SHQ1: variants seen among roughly 807,000 people sequenced by gnomAD.
SHQ1 encodes protein SHQ1 homolog.
In SHQ1, 49 loss-of-function variants were observed where a neutral mutation model predicts 53.8. The ratio of observed to expected loss-of-function variants is 0.91; its 90% confidence interval spans 0.72 to 1.16. The LOEUF is 1.16. Ranked by LOEUF, SHQ1 falls within the 50% of genes most tolerant of loss-of-function variation. SHQ1 has a pLI of 0.00. For synonymous variants in SHQ1, 243 were observed against 251.0 expected (o/e 0.97, Z 0.30); for missense variants, 738 against 683.1 (o/e 1.08, Z -0.90).
At chr3:72,824,353 T>C (rs1707579062) in intron 6 of SHQ1, 71 bp downstream of exon 6, 2 of 1,543,866 alleles carry the variant, frequency 1.3e-6, no homozygotes, top group Non-Finnish European at 1.8e-6. Flanking sequence ...CTTAATAATA[T>C]GGAAGGCAGT....
chr3:72,825,323 T>G (rs1707617042), intron 5 of SHQ1, among the ~76,000 whole-genome samples: 1 of 148,814 alleles, frequency 6.7e-6, no homozygotes, highest in African/African-American at 2.5e-5. Flanking sequence ...AGTAGGAAAT[T>G]CAGGATACTG....
chr3:72,841,312 T>G, intron 3 of SHQ1, 113 bp from the exon 4 acceptor site: 1 of 767,720 alleles, frequency 1.3e-6, no homozygotes, highest in South Asian at 2.2e-5. Context: ...ATATACCAAA[T>G]GTACTAAAAG....
chr3:72,801,737 AATAAAT>A (rs1706795782), intron 9 of SHQ1, among the ~76,000 whole-genome samples: 1 of 150,434 alleles, frequency 6.6e-6, no homozygotes, highest in Admixed American at 6.6e-5. Context: ...ATCAATGGAT[AATAAAT>A]ATAATTTAGT....
the SHQ1 span, among the ~76,000 whole-genome samples, chr3:72,738,978 C>T: frequency 1.3e-5 from 2 of 152,224 alleles, no homozygotes; most frequent in African/African-American, 4.8e-5. Context: ...CCGGGGAGAG[C>T]TGGGTGGTTA....
At chr3:72,828,368 G>A (rs1228525168) in intron 5 of SHQ1, among the ~76,000 whole-genome samples, 2 of 152,124 alleles carry the variant, frequency 1.3e-5, no homozygotes, top group African/African-American at 2.4e-5. Flanking sequence ...GAAATAAATG[G>A]CAAAGGGATA....
At chr3:72,727,941 G>C in the SHQ1 span, among the ~76,000 whole-genome samples, 2 of 152,194 alleles carry the variant, frequency 1.3e-5, no homozygotes, top group African/African-American at 4.8e-5. Flanking sequence ...GGCCATGAGA[G>C]TGCACTCAGC....
At chr3:72,755,725 C>G (rs564569459) in intron 10 of SHQ1, among the ~76,000 whole-genome samples, 1 of 152,234 alleles carries the variant, frequency 6.6e-6, no homozygotes, top group South Asian at 2.1e-4. Context: ...TCTGCCACTC[C>G]TTGTCAATTA....
At chr3:72,832,931 G>A (rs559348108) in intron 4 of SHQ1, among the ~76,000 whole-genome samples, 10 of 152,228 alleles carry the variant, frequency 6.6e-5, no homozygotes, top group Middle Eastern at 6.8e-3. Flanking sequence ...AAGCATTACC[G>A]TACAGATTGA....
Position 72,792,952 on chromosome 3 carries a change from T to C in SHQ1, c.1145A>G (p.Tyr382Cys), listed in dbSNP as rs754326459. 7 of 1,611,778 alleles carry C rather than the reference T, an allele frequency of 4.3e-6. No individual in the cohort carries two copies. The highest frequency in any genetic ancestry group is 5.1e-6 in the Non-Finnish European group (6 of 1,179,740). The change falls in exon 10 of 11, where the codon TAC (tyrosine) becomes TGC (cysteine). Residue 382 changes from tyrosine (Y) to cysteine (C), a missense_variant. Transcript: ENST00000325599. ...NDPAYILNDLYISDYCVWIQK... is the reference protein window; with the variant it reads ...NDPAYILNDLCISDYCVWIQK... Reference sequence around the variant, plus strand: ...AATCCACACACAGTAGTCTGAGATGTAGAGATCATTCAGTATGTACGCTGG... The same window carrying C: ...AATCCACACACAGTAGTCTGAGATGCAGAGATCATTCAGTATGTACGCTGG...
chr3:72,835,301 C>T (rs905921701), intron 4 of SHQ1, among the ~76,000 whole-genome samples: 1 of 151,872 alleles, frequency 6.6e-6, no homozygotes, highest in Non-Finnish European at 1.5e-5. Context: ...TGAGATAATA[C>T]AAGTAAGGAA....
chr3:72,742,308 C>A, the SHQ1 span, among the ~76,000 whole-genome samples: 1 of 152,018 alleles, frequency 6.6e-6, no homozygotes, highest in Non-Finnish European at 1.5e-5. Context: ...ATCTAGGCAT[C>A]CATGCTTAGC....
At chr3:72,732,035 C>T in the SHQ1 span, among the ~76,000 whole-genome samples, 12 of 151,806 alleles carry the variant, frequency 7.9e-5, no homozygotes, top group Admixed American at 7.2e-4. Flanking sequence ...CCATTAGCCA[C>T]AGGTCACCAG....
At chr3:72,838,053 T>G (rs1708053934) in intron 4 of SHQ1, among the ~76,000 whole-genome samples, 1 of 152,220 alleles carries the variant, frequency 6.6e-6, no homozygotes, top group Non-Finnish European at 1.5e-5. Flanking sequence ...CTTTCAGAGT[T>G]TAGAAAGGTA....
chr3:72,786,355 G>T (rs984298036), intron 10 of SHQ1, among the ~76,000 whole-genome samples: 5 of 152,140 alleles, frequency 3.3e-5, no homozygotes, highest in African/African-American at 1.2e-4. Context: ...AAACTCTTCA[G>T]ATGCTCCATA....
At chr3:72,747,913 C>T (rs1347695926), downstream of SHQ1, among the ~76,000 whole-genome samples, 12 of 151,752 alleles carry the variant, frequency 7.9e-5, no homozygotes, top group Admixed American at 7.9e-4. Context: ...CACTTGAACC[C>T]GAGAGACAGA....
intron 9 of SHQ1, chr3:72,809,913 C>T (rs1411119757): frequency 6.6e-6 from 1 of 150,540 alleles, no homozygotes; most frequent in Admixed American, 6.6e-5. Flanking sequence ...GAGTCAAGAT[C>T]GCGCCACTGT....
Position 72,842,383 on chromosome 3 carries a change from C to T in SHQ1, c.228G>A (p.Leu76=). The T allele has an allele frequency of 6.2e-7, 1 of 1,613,446 alleles. No homozygotes were observed. Residue 76 remains leucine (L), a synonymous_variant, in exon 3 of 11, where the codon CTG becomes CTA. Coordinates refer to ENST00000325599, the MANE Select transcript of SHQ1 (RefSeq NM_018130.3). ...DADKGIFTIR[L]PKETPGQHFE... ...AATGCTGGCCAGGGGTTTCTTTGGG[C>T]AGGCGAATGGTAAAAATTCCTTAAA... is the stretch of plus-strand genomic sequence containing the variant.
chr3:72,748,329 C>CAAAAAAAAAAAAAAA (rs572927520), downstream of SHQ1, among the ~76,000 whole-genome samples: 11 of 58,788 alleles, frequency 1.9e-4, 1 homozygote, highest in African/African-American at 2.7e-4. Context: ...ATGAGGCATG[C>CAAAAAAAAAAAAAAA]AAAAAAAAAA....
chr3:72,825,372 A>ACG, intron 5 of SHQ1, among the ~76,000 whole-genome samples: 1 of 151,026 alleles, frequency 6.6e-6, no homozygotes, highest in South Asian at 2.1e-4. Flanking sequence ...ACACACACAC[A>ACG]CACACACACA....
Sources: gnomAD v4.1 joint callset for allele counts (sites outside exome capture counted in the v4.1 genomes callset) on GRCh38, gnomAD v4.1.1 for gene constraint, MANE v1.5 for transcripts, NCBI Gene and HGNC (gene_info 2026-07-23, HGNC 2026-07-21) for gene names.